Variants in RGS6 observed in about 807,000 individuals in gnomAD.
RGS6 encodes regulator of G-protein signaling 6.
A neutral mutation model predicts 78.5 loss-of-function variants in RGS6; 30 were observed. That is an observed-to-expected ratio of 0.38 (90% CI 0.29 to 0.52). RGS6 has a LOEUF of 0.52. Among genes scored for constraint, RGS6 ranks in the 20% least tolerant of loss-of-function variants. The pLI is 0.85. For synonymous variants in RGS6, 206 were observed against 206.0 expected (o/e 1.00, Z 0.00); for missense variants, 495 against 609.7 (o/e 0.81, Z 1.98).
the RGS6 span, among the ~76,000 whole-genome samples, chr14:71,874,678 T>C: frequency 2.6e-5 from 4 of 152,204 alleles, no homozygotes; most frequent in Non-Finnish European, 5.9e-5. Context: ...TCCAACACTA[T>C]GTTGAATAAG....
chr14:72,570,092 C>T (rs534106484), downstream of RGS6, among the ~76,000 whole-genome samples: 6 of 152,018 alleles, frequency 3.9e-5, no homozygotes, highest in Admixed American at 6.5e-5. Flanking sequence ...ACAGTTTCCA[C>T]GGATTCAACA....
chr14:71,905,003 C>T, the RGS6 span, among the ~76,000 whole-genome samples: 1 of 152,044 alleles, frequency 6.6e-6, no homozygotes, highest in African/African-American at 2.4e-5. Context: ...GGCCACATAC[C>T]ACAAGGGTCT....
intron 2 of RGS6, among the ~76,000 whole-genome samples, chr14:72,105,168 A>G (rs1208414960): frequency 6.6e-6 from 1 of 152,218 alleles, no homozygotes; most frequent in African/African-American, 2.4e-5. Flanking sequence ...GATTGTACAA[A>G]GACCTCCCTG....
intron 3 of RGS6, among the ~76,000 whole-genome samples, chr14:72,359,139 A>G (rs931759613): frequency 2.0e-5 from 3 of 152,176 alleles, no homozygotes; most frequent in Non-Finnish European, 2.9e-5. Flanking sequence ...CTTTCCAGCC[A>G]TGCTGTACTG....
intron 17 of RGS6, among the ~76,000 whole-genome samples, chr14:72,555,081 C>T (rs1030581400): frequency 3.3e-5 from 5 of 152,210 alleles, no homozygotes; most frequent in African/African-American, 7.2e-5. Flanking sequence ...CTGGGCACCC[C>T]GAATTAGGCA....
At chr14:72,192,475 T>C (rs2097338551) in intron 2 of RGS6, among the ~76,000 whole-genome samples, 1 of 152,130 alleles carries the variant, frequency 6.6e-6, no homozygotes, top group Admixed American at 6.5e-5. Flanking sequence ...CAGAAACTCA[T>C]CCTGTTCTAG....
chr14:72,180,984 G>A (rs77114615), intron 2 of RGS6, among the ~76,000 whole-genome samples: 1,545 of 152,268 alleles, frequency 0.01, 23 homozygotes, highest in African/African-American at 0.035. Flanking sequence ...GACTAAGACA[G>A]TGTAAGAAAG....
chr14:71,888,220 G>A, the RGS6 span, among the ~76,000 whole-genome samples: 1 of 152,076 alleles, frequency 6.6e-6, no homozygotes, highest in Non-Finnish European at 1.5e-5. Flanking sequence ...TCCAGCCTGG[G>A]CAAAAGAGTG....
At chr14:72,334,807 C>T (rs1174656728) in intron 2 of RGS6, among the ~76,000 whole-genome samples, 1 of 152,102 alleles carries the variant, frequency 6.6e-6, no homozygotes, top group African/African-American at 2.4e-5. Context: ...CATCTCCCCA[C>T]AGGGTCTGGC....
downstream of RGS6, among the ~76,000 whole-genome samples, chr14:72,568,328 G>A (rs528486471): frequency 1.5e-4 from 23 of 152,336 alleles, no homozygotes; most frequent in African/African-American, 4.6e-4. Context: ...AAATGTTCAC[G>A]AAATGGGTGC....
the RGS6 span, among the ~76,000 whole-genome samples, chr14:72,603,313 T>C: frequency 3.3e-5 from 5 of 152,194 alleles, no homozygotes; most frequent in Non-Finnish European, 7.3e-5. Context: ...CAACAACAGA[T>C]GGGTAAAGGC....
chr14:72,513,456 G>T (rs2096903046), intron 14 of RGS6, among the ~76,000 whole-genome samples: 2 of 152,180 alleles, frequency 1.3e-5, no homozygotes, highest in Admixed American at 6.5e-5. Context: ...TGAGCTCTCT[G>T]TGGCAGGGTC....
At chr14:72,465,036 G>T (rs905976489) in intron 6 of RGS6, among the ~76,000 whole-genome samples, 1 of 152,222 alleles carries the variant, frequency 6.6e-6, no homozygotes, top group African/African-American at 2.4e-5. Context: ...GGTCTTCAAA[G>T]ATTAGTAAGA....
intron 2 of RGS6, among the ~76,000 whole-genome samples, chr14:71,969,863 T>C (rs541542391): frequency 6.6e-6 from 1 of 152,234 alleles, no homozygotes; most frequent in Non-Finnish European, 1.5e-5. Flanking sequence ...TTTTGATCTT[T>C]CGTAAATTAG....
At chr14:72,243,913 C>T (rs2053560945) in intron 2 of RGS6, among the ~76,000 whole-genome samples, 1 of 152,124 alleles carries the variant, frequency 6.6e-6, no homozygotes, top group Non-Finnish European at 1.5e-5. Context: ...GATCATGGAC[C>T]AGAAATGTTA....
At chr14:72,065,754 A>ATTATT (rs560090942) in intron 2 of RGS6, among the ~76,000 whole-genome samples, 131 of 152,180 alleles carry the variant, frequency 8.6e-4, no homozygotes, top group South Asian at 6.0e-3. Flanking sequence ...AGTGGCCCTC[A>ATTATT]TTATTTTATT....
At chr14:71,896,514 T>C in the RGS6 span, among the ~76,000 whole-genome samples, 1 of 152,212 alleles carries the variant, frequency 6.6e-6, no homozygotes, top group Non-Finnish European at 1.5e-5. Flanking sequence ...GGCTGTTTTA[T>C]CAGCAAGGTC....
chr14:72,037,263 C>T (rs937527935), intron 2 of RGS6, among the ~76,000 whole-genome samples: 39 of 152,320 alleles, frequency 2.6e-4, no homozygotes, highest in Non-Finnish European at 5.4e-4. Context: ...GCAACCTGCT[C>T]GGGTCCCTTC....
chr14:72,219,660 GCTTGT>G (rs1325812911), intron 2 of RGS6, among the ~76,000 whole-genome samples: 1 of 151,736 alleles, frequency 6.6e-6, no homozygotes, highest in African/African-American at 2.4e-5. Context: ...TTATTCTATT[GCTTGT>G]CTTATTTTTG....
Sources: gnomAD v4.1 joint callset for allele counts (sites outside exome capture counted in the v4.1 genomes callset) on GRCh38, gnomAD v4.1.1 for gene constraint, MANE v1.5 for transcripts, NCBI Gene and HGNC (gene_info 2026-07-23, HGNC 2026-07-21) for gene names.